Variants in PCDH15 observed in about 807,000 individuals in gnomAD.
PCDH15 encodes the protein protocadherin related 15.
A neutral mutation model predicts 178.5 loss-of-function variants in PCDH15; 129 were observed. The ratio of observed to expected loss-of-function variants is 0.72; its 90% confidence interval spans 0.63 to 0.84. PCDH15 has a LOEUF of 0.84. Ranked by LOEUF, PCDH15 falls within the 40% of genes least tolerant of loss-of-function variation. The pLI is 0.00. For synonymous variants in PCDH15, 800 were observed against 732.0 expected, an observed-to-expected ratio of 1.09 and a Z score of -1.50; for missense variants, 2,230 against 2,099.9, an observed-to-expected ratio of 1.06 and a Z score of -1.21.
At chr10:54,375,699 A>G (rs1948286219) in intron 4 of PCDH15, among the ~76,000 whole-genome samples, 1 of 150,688 alleles carries the variant, frequency 6.6e-6, no homozygotes, top group Non-Finnish European at 1.5e-5. Context: ...AGTGATTATA[A>G]TACAAAGCTT....
chr10:54,032,782 G>T (rs1169435585), intron 18 of PCDH15, among the ~76,000 whole-genome samples: 1 of 151,922 alleles, frequency 6.6e-6, no homozygotes, highest in Non-Finnish European at 1.5e-5. Flanking sequence ...CAGAAACTGG[G>T]GGATTTATAA....
At position 53,942,655 on chromosome 10, in the gene PCDH15, A is replaced by T. The variant is rs1456487318; in HGVS notation, c.3123-1680T>A. 2.0e-5 allele frequency among the ~76,000 whole-genome samples: 3 copies of T among 152,214 alleles called. No homozygotes were observed. The East Asian group carries it at 5.8e-4, about 29-fold the overall frequency. On this transcript the variant is annotated intron_variant, in intron 23 of 37. Transcript: ENST00000644397. ...CAGCCAGCAAGGAATCGAGGCCCTTAGTCCAACATCCCACAAGAAACTGAT... is the reference window on the plus strand; with the variant it reads ...CAGCCAGCAAGGAATCGAGGCCCTTTGTCCAACATCCCACAAGAAACTGAT...
At chr10:54,519,287 T>C (rs866525678) in intron 3 of PCDH15, among the ~76,000 whole-genome samples, 9 of 152,162 alleles carry the variant, frequency 5.9e-5, no homozygotes, top group African/African-American at 1.2e-4. Context: ...TGTTTGCAGA[T>C]GACATGATTG....
intron 37 of PCDH15, chr10:53,809,328 A>G: frequency 6.2e-7 from 1 of 1,613,098 alleles, no homozygotes; most frequent in Non-Finnish European, 8.5e-7. Context: ...CTTCTTCCTC[A>G]AGGCGTCTCT....
At chr10:54,885,029 T>A (rs892330612) in intron 3 of PCDH15, among the ~76,000 whole-genome samples, 1 of 152,090 alleles carries the variant, frequency 6.6e-6, no homozygotes, top group African/African-American at 2.4e-5. Flanking sequence ...TAATTTAGTC[T>A]CTTCTCTCAA....
At chr10:54,772,240 TA>T (rs1189431255) in intron 1 of PCDH15, among the ~76,000 whole-genome samples, 2 of 152,332 alleles carry the variant, frequency 1.3e-5, no homozygotes, top group Non-Finnish European at 2.9e-5. Context: ...TTCCAAAACT[TA>T]AGCAAGTTAA....
intron 25 of PCDH15, among the ~76,000 whole-genome samples, chr10:53,915,181 A>T (rs2083433403): frequency 6.6e-6 from 1 of 152,198 alleles, no homozygotes; most frequent in Non-Finnish European, 1.5e-5. Context: ...TTGAGAGAAA[A>T]GAGAGAAATA....
intron 2 of PCDH15, among the ~76,000 whole-genome samples, chr10:54,551,203 T>C (rs1167905050): frequency 2.0e-5 from 2 of 100,530 alleles, no homozygotes; most frequent in Middle Eastern, 5.5e-3. Flanking sequence ...ATGGTAAACA[T>C]AAAAATTATC....
At chr10:54,829,740 T>C (rs1953191602) in intron 3 of PCDH15, among the ~76,000 whole-genome samples, 1 of 152,094 alleles carries the variant, frequency 6.6e-6, no homozygotes, top group Non-Finnish European at 1.5e-5. Context: ...ATGGACCACC[T>C]GGACAGTTGT....
chr10:55,277,171 T>G (rs1842616539), intron 1 of PCDH15, among the ~76,000 whole-genome samples: 1 of 152,084 alleles, frequency 6.6e-6, no homozygotes, highest in East Asian at 1.9e-4. Context: ...CTGATATTAC[T>G]TGATATTTTA....
chr10:54,851,071 A>T (rs1017011518), intron 3 of PCDH15, among the ~76,000 whole-genome samples: 6 of 152,112 alleles, frequency 3.9e-5, no homozygotes, highest in African/African-American at 1.4e-4. Context: ...TGATCTTTTG[A>T]TTTTTCAGAG....
At chr10:55,296,905 T>C (rs1444733048) in intron 1 of PCDH15, among the ~76,000 whole-genome samples, 1 of 152,154 alleles carries the variant, frequency 6.6e-6, no homozygotes, top group Non-Finnish European at 1.5e-5. Flanking sequence ...ACAAACACTA[T>C]AAGACTAACT....
chr10:54,742,775 T>C (rs1336810522), intron 1 of PCDH15, among the ~76,000 whole-genome samples: 1 of 152,048 alleles, frequency 6.6e-6, no homozygotes, highest in Non-Finnish European at 1.5e-5. Flanking sequence ...CACTAGCTCC[T>C]GTGTTAAGTT....
chr10:54,622,554 C>T (rs1295509431), intron 2 of PCDH15, among the ~76,000 whole-genome samples: 1 of 43,464 alleles, frequency 2.3e-5, no homozygotes, highest in African/African-American at 7.9e-5. Context: ...TGTCAAACAT[C>T]ATTGTAACCT....
At chr10:55,470,841 ATT>A (rs202205186) in intron 2 of PCDH15, among the ~76,000 whole-genome samples, 5 of 143,618 alleles carry the variant, frequency 3.5e-5, no homozygotes, top group East Asian at 2.0e-4. Context: ...CTAAACTCTG[ATT>A]TTTTTTTTTT....
intron 2 of PCDH15, among the ~76,000 whole-genome samples, chr10:55,110,141 C>T (rs1279456106): frequency 6.6e-6 from 1 of 151,774 alleles, no homozygotes; most frequent in African/African-American, 2.4e-5. Flanking sequence ...CTAAAAATTA[C>T]TTAATTTCTT....
chr10:55,328,949 T>TAA (rs1554853664), intron 2 of PCDH15, among the ~76,000 whole-genome samples: 8 of 123,292 alleles, frequency 6.5e-5, no homozygotes, highest in East Asian at 4.8e-4. Flanking sequence ...TATATATATA[T>TAA]AAAATATATA....
chr10:54,211,704 A>C (rs1295797359), intron 10 of PCDH15, among the ~76,000 whole-genome samples: 3 of 152,068 alleles, frequency 2.0e-5, no homozygotes, highest in Non-Finnish European at 4.4e-5. Context: ...AGTCCAACAA[A>C]AACTTTTAGG....
intron 18 of PCDH15, among the ~76,000 whole-genome samples, chr10:54,050,579 G>A (rs974783278): frequency 6.6e-6 from 1 of 151,852 alleles, no homozygotes; most frequent in African/African-American, 2.4e-5. Flanking sequence ...TCTGATTCTA[G>A]TTATTTGTTC....
Sources: gnomAD v4.1 joint callset for allele counts (sites outside exome capture counted in the v4.1 genomes callset) on GRCh38, gnomAD v4.1.1 for gene constraint, MANE v1.5 for transcripts, NCBI Gene and HGNC (gene_info 2026-07-23, HGNC 2026-07-21) for gene names.